Variants in LRMDA observed in about 807,000 individuals in gnomAD.
LRMDA encodes the protein leucine rich melanocyte differentiation associated, also known as leucine-rich melanocyte differentiation-associated protein.
In LRMDA, 18 loss-of-function variants were observed where a neutral mutation model predicts 29.8. The ratio of observed to expected loss-of-function variants is 0.60; its 90% confidence interval spans 0.42 to 0.90. The LOEUF is 0.90. Ranked by LOEUF, LRMDA falls within the 40% of genes least tolerant of loss-of-function variation. LRMDA has a pLI of 0.00. For missense variants in LRMDA, 273 were observed against 273.9 expected (o/e 1.00, Z 0.02); for synonymous variants, 125 against 109.4 (o/e 1.14, Z -0.89).
chr10:76,471,741 AAAC>A (rs759710843), intron 6 of LRMDA, among the ~76,000 whole-genome samples: 4 of 151,810 alleles, frequency 2.6e-5, no homozygotes, highest in Non-Finnish European at 5.9e-5. Context: ...TGTATCATGC[AAAC>A]AACAACAATA....
chr10:76,297,587 G>A (rs142674404), intron 5 of LRMDA, among the ~76,000 whole-genome samples: 1 of 152,138 alleles, frequency 6.6e-6, no homozygotes, highest in Non-Finnish European at 1.5e-5. Context: ...GTAGGAGGTC[G>A]TTCTGTTCGA....
intron 2 of LRMDA, among the ~76,000 whole-genome samples, chr10:75,518,095 G>T (rs9678136): frequency 1.3e-5 from 2 of 152,116 alleles, no homozygotes; most frequent in African/African-American, 4.8e-5. Context: ...TGCTGGATTT[G>T]GTTTGCCAGT....
At chr10:75,491,452 C>A (rs1844986308) in intron 2 of LRMDA, among the ~76,000 whole-genome samples, 1 of 152,144 alleles carries the variant, frequency 6.6e-6, no homozygotes, top group Non-Finnish European at 1.5e-5. Context: ...ACTGTATGGT[C>A]TTTATTTCCC....
chr10:75,456,801 G>A (rs527614636), intron 2 of LRMDA, among the ~76,000 whole-genome samples: 3 of 152,194 alleles, frequency 2.0e-5, no homozygotes, highest in Non-Finnish European at 4.4e-5. Flanking sequence ...TCAGCCTCCC[G>A]AGTAGCTGGG....
intron 2 of LRMDA, among the ~76,000 whole-genome samples, chr10:75,981,219 G>A (rs1402980461): frequency 6.6e-6 from 1 of 152,158 alleles, no homozygotes; most frequent in Non-Finnish European, 1.5e-5. Flanking sequence ...TGTGTCTGCT[G>A]GTTTGCTTTT....
chr10:76,424,867 G>T (rs1842107797), intron 6 of LRMDA, among the ~76,000 whole-genome samples: 1 of 152,172 alleles, frequency 6.6e-6, no homozygotes, highest in Non-Finnish European at 1.5e-5. Context: ...GAGAGATTGT[G>T]CCTTGACTAA....
chr10:75,547,838 T>C (rs1840097465), intron 2 of LRMDA, among the ~76,000 whole-genome samples: 1 of 152,180 alleles, frequency 6.6e-6, no homozygotes, highest in African/African-American at 2.4e-5. Flanking sequence ...GTGATCACAA[T>C]TGTGATTTAT....
At chr10:76,314,980 A>T (rs1840673727) in intron 5 of LRMDA, among the ~76,000 whole-genome samples, 1 of 152,222 alleles carries the variant, frequency 6.6e-6, no homozygotes, top group Admixed American at 6.5e-5. Flanking sequence ...CTACCTTTGT[A>T]TGTGCACTAA....
At chr10:75,898,376 C>G (rs991118498) in intron 2 of LRMDA, among the ~76,000 whole-genome samples, 1 of 152,224 alleles carries the variant, frequency 6.6e-6, no homozygotes, top group South Asian at 2.1e-4. Context: ...GGACACAAGA[C>G]AGATTTCTGG....
intron 5 of LRMDA, among the ~76,000 whole-genome samples, chr10:76,236,566 C>T (rs573702705): frequency 1.3e-5 from 2 of 152,306 alleles, no homozygotes; most frequent in South Asian, 4.1e-4. Context: ...CACACTTTGG[C>T]CCGCTCCCAG....
intron 2 of LRMDA, among the ~76,000 whole-genome samples, chr10:75,925,834 G>C (rs146068027): frequency 2.3e-4 from 35 of 152,086 alleles, no homozygotes; most frequent in African/African-American, 7.2e-4. Context: ...TGTATTTTTT[G>C]TAGAGACAGG....
chr10:75,972,152 A>C (rs1210313683), intron 2 of LRMDA, among the ~76,000 whole-genome samples: 1 of 152,220 alleles, frequency 6.6e-6, no homozygotes, highest in African/African-American at 2.4e-5. Context: ...ATAGCAGCCC[A>C]GGGATGATGA....
intron 5 of LRMDA, among the ~76,000 whole-genome samples, chr10:76,231,896 G>T (rs1474806807): frequency 6.6e-6 from 1 of 152,074 alleles, no homozygotes; most frequent in Non-Finnish European, 1.5e-5. Context: ...ACCACAGGAG[G>T]GAAATTAAGT....
At chr10:76,145,072 T>C (rs1437909940) in intron 5 of LRMDA, among the ~76,000 whole-genome samples, 2 of 152,210 alleles carry the variant, frequency 1.3e-5, no homozygotes, top group African/African-American at 4.8e-5. Context: ...AGCTTTTTGA[T>C]GTGCTGCTGG....
At chr10:76,470,803 G>A (rs1319904182) in intron 6 of LRMDA, among the ~76,000 whole-genome samples, 1 of 151,608 alleles carries the variant, frequency 6.6e-6, no homozygotes, top group African/African-American at 2.4e-5. Context: ...AGTTTAATAG[G>A]TACAGAATTG....
chr10:75,782,833 G>C, intron 2 of LRMDA: 4 of 1,489,006 alleles, frequency 2.7e-6, no homozygotes, highest in Non-Finnish European at 3.6e-6. Flanking sequence ...GCGCCGGCGT[G>C]CATGTGTTTT....
intron 6 of LRMDA, among the ~76,000 whole-genome samples, chr10:76,542,716 A>T (rs1843371581): frequency 2.0e-5 from 3 of 152,208 alleles, no homozygotes; most frequent in African/African-American, 7.2e-5. Context: ...CCAGGCAAGG[A>T]GTGGGAGCCT....
intron 2 of LRMDA, among the ~76,000 whole-genome samples, chr10:75,838,137 A>G (rs1364745929): frequency 2.6e-5 from 4 of 152,244 alleles, no homozygotes; most frequent in East Asian, 1.9e-4. Context: ...TGTCCATAAC[A>G]TTATCAGGAG....
At chr10:76,057,855 C>A (rs1486518967) in intron 4 of LRMDA, among the ~76,000 whole-genome samples, 1 of 152,212 alleles carries the variant, frequency 6.6e-6, no homozygotes, top group African/African-American at 2.4e-5. Context: ...AGACACATGT[C>A]CATACCTGTT....
Sources: gnomAD v4.1 joint callset for allele counts (sites outside exome capture counted in the v4.1 genomes callset) on GRCh38, gnomAD v4.1.1 for gene constraint, MANE v1.5 for transcripts, NCBI Gene and HGNC (gene_info 2026-07-23, HGNC 2026-07-21) for gene names.